Variants in SUN1 observed in about 807,000 individuals in gnomAD.
SUN1 encodes the protein SUN domain-containing protein 1.
A neutral mutation model predicts 103.2 loss-of-function variants in SUN1; 61 were observed. The observed-to-expected ratio is 0.59, with a 90% CI of 0.48 to 0.73. The LOEUF (loss-of-function observed/expected upper bound fraction) is 0.73. Among genes scored for constraint, SUN1 ranks in the 30% least tolerant of loss-of-function variants. The pLI is 0.00. For missense variants in SUN1, 1,052 were observed against 1,034.6 expected, an observed-to-expected ratio of 1.02 and a Z score of -0.23; for synonymous variants, 490 against 425.7, an observed-to-expected ratio of 1.15 and a Z score of -1.86.
At chr7:866,216 G>A (rs1025578916) in intron 16 of SUN1, 149 bp downstream of exon 16, 18 of 689,050 alleles carry the variant, frequency 2.6e-5, no homozygotes, top group East Asian at 5.6e-5. Flanking sequence ...TTCCCACACC[G>A]AGGAGTCCCC....
intron 5 of SUN1, among the ~76,000 whole-genome samples, chr7:846,198 T>C (rs1815513332): frequency 6.6e-6 from 1 of 151,790 alleles, no homozygotes; most frequent in African/African-American, 2.4e-5. Flanking sequence ...AACCTCCACC[T>C]CCCGGGCTCA....
Position 873,197 on chromosome 7 carries a change from T to C in SUN1, c.2242-18T>C, listed in dbSNP as rs1842909725. On this transcript the variant is annotated intron_variant, in intron 18 of 18. Coordinates refer to ENST00000401592, the MANE Select transcript of SUN1 (RefSeq NM_001130965.3). The stretch of plus-strand genomic sequence containing the variant: ...TAATATGAAATACATGTGTGTGTTT[T>C]TCCCACCTTGATTTCAGAAAAGACC... The C allele has an allele frequency of 6.2e-7, 1 of 1,611,268 alleles. No homozygotes were observed. The highest frequency in any genetic ancestry group is 2.2e-5 in the East Asian group (1 of 44,868).
chr7:856,473 T>C, intron 12 of SUN1, 72 bp downstream of exon 12: 3 of 1,575,030 alleles, frequency 1.9e-6, no homozygotes, highest in Non-Finnish European at 2.6e-6. Flanking sequence ...GGCAGCAGAG[T>C]GATGAATGGG....
intron 15 of SUN1, 103 bp from the exon 16 acceptor site, chr7:865,849 C>A: frequency 1.1e-6 from 1 of 909,648 alleles, no homozygotes; most frequent in Non-Finnish European, 1.8e-6. Flanking sequence ...TGATGTCGAG[C>A]ACTTTTCTTG....
upstream of SUN1, among the ~76,000 whole-genome samples, chr7:832,297 A>G (rs975627791): frequency 2.0e-5 from 3 of 152,136 alleles, no homozygotes; most frequent in Non-Finnish European, 4.4e-5. Flanking sequence ...TGAGGGGACT[A>G]GATTATGATA....
intron 2 of SUN1, among the ~76,000 whole-genome samples, chr7:841,533 C>T (rs757583536): frequency 3.3e-5 from 5 of 152,164 alleles, no homozygotes; most frequent in Admixed American, 1.3e-4. Flanking sequence ...AGAGCCACCG[C>T]GCCTGGCCAT....
intron 17 of SUN1, 141 bp downstream of exon 17, chr7:869,657 A>G: frequency 1.9e-6 from 2 of 1,031,492 alleles, no homozygotes; most frequent in Non-Finnish European, 2.8e-6. Context: ...TGAGGGGAAC[A>G]TTCCAGTGCT....
In SUN1 at chr7:847,513, TGGC is replaced by T. The variant is rs1489667318; in HGVS notation, c.659-3867_659-3865del. 3.2e-5 allele frequency among the ~76,000 whole-genome samples: 3 copies of T among 93,980 alleles called. No homozygotes were observed. In the East Asian group the frequency reaches 1.2e-3, roughly 37 times the overall value. The allele number at this position is 93,980 out of a possible 152,430, so 61.7% of individuals were successfully genotyped here. On this transcript the variant is annotated intron_variant, in intron 5 of 18. Transcript: ENST00000401592. ...CCACAGCGCCGTGCGCCAGCGGAGT[TGGC>T]GGCCTTCCCCTGGGGGTTACCCCGC... is the stretch of plus-strand genomic sequence containing the variant.
At chr7:857,638 C>T (rs973532707) in intron 12 of SUN1, among the ~76,000 whole-genome samples, 190 bp from the exon 13 acceptor site, 1 of 152,204 alleles carries the variant, frequency 6.6e-6, no homozygotes, top group South Asian at 2.1e-4. Context: ...TAAACTGATG[C>T]AGAAGACAAC....
chr7:870,777 T>C (rs553393937), intron 17 of SUN1, among the ~76,000 whole-genome samples: 7 of 152,236 alleles, frequency 4.6e-5, no homozygotes, highest in African/African-American at 1.7e-4. Context: ...CACTAATTAA[T>C]TCCCGTGGAC....
chr7:837,055 C>T (rs1217459109), intron 1 of SUN1, among the ~76,000 whole-genome samples: 2 of 152,248 alleles, frequency 1.3e-5, no homozygotes, highest in Non-Finnish European at 2.9e-5. Context: ...GCACTCACAC[C>T]TGCAACATGG....
Position 865,987 on chromosome 7 carries a change from T to TA in SUN1, c.1901dup (p.Tyr634Ter). 1 of 1,614,118 alleles carries TA rather than the reference T, an allele frequency of 6.2e-7. No individual in the cohort carries two copies. The change falls in exon 16 of 19, where the codon TAC (tyrosine) becomes TAAC (stop). Residue 634 changes from tyrosine (Y) to a stop codon, truncating the protein, a stop_gained and frameshift_variant. Coordinates refer to ENST00000401592, the MANE Select transcript of SUN1 (RefSeq NM_001130965.3). LOFTEE classifies it high-confidence loss of function. Reference protein sequence around the residue: ...SILSTRCSETYETKTALMSLF... With the variant: ...SILSTRCSET ...CTTGAGTACTCGCTGTTCTGAAACT[T>TA]ACGAAACCAAAACGGCGCTGATGAG...
At chr7:817,292 T>C (rs1781589544) in intron 1 of SUN1, 4 of 835,270 alleles carry the variant, frequency 4.8e-6, no homozygotes, top group Non-Finnish European at 7.8e-6. Context: ...TTGTGGTCTC[T>C]CCATGCTGCC....
At chr7:856,536 C>G in intron 12 of SUN1, 135 bp downstream of exon 12, 2 of 908,674 alleles carry the variant, frequency 2.2e-6, no homozygotes, top group Non-Finnish European at 3.5e-6. Flanking sequence ...GAGGTTCGTG[C>G]CGACAGACAC....
At chr7:856,605 C>T (rs1212833689) in intron 12 of SUN1, among the ~76,000 whole-genome samples, 2 of 152,192 alleles carry the variant, frequency 1.3e-5, no homozygotes, top group Non-Finnish European at 2.9e-5. Flanking sequence ...TCCCCCTCCA[C>T]GCGGCGTGGA....
intron 1 of SUN1, among the ~76,000 whole-genome samples, chr7:817,752 C>T (rs1352347051): frequency 2.0e-5 from 3 of 152,194 alleles, no homozygotes; most frequent in Non-Finnish European, 4.4e-5. Flanking sequence ...TGTTGTTGGA[C>T]ACTTGATAGT....
chr7:852,738 AAAT>A, intron 8 of SUN1, 69 bp from the exon 9 acceptor site: 1 of 1,613,524 alleles, frequency 6.2e-7, no homozygotes, highest in South Asian at 1.1e-5. Context: ...TAGTGGAAAA[AAAT>A]GAGCGTGTAA....
intron 2 of SUN1, among the ~76,000 whole-genome samples, chr7:841,097 C>T (rs1260099196): frequency 6.6e-6 from 1 of 151,784 alleles, no homozygotes; most frequent in Non-Finnish European, 1.5e-5. Context: ...CCATGCCCAG[C>T]TAATTTTGTA....
upstream of SUN1, chr7:832,098 G>C (rs1431093591): frequency 8.0e-6 from 8 of 1,005,430 alleles, no homozygotes; most frequent in Middle Eastern, 5.0e-4. Flanking sequence ...CCACGCTGTA[G>C]CAGGTAGTTC....
Sources: gnomAD v4.1 joint callset for allele counts (sites outside exome capture counted in the v4.1 genomes callset) on GRCh38, gnomAD v4.1.1 for gene constraint, MANE v1.5 for transcripts, NCBI Gene and HGNC (gene_info 2026-07-23, HGNC 2026-07-21) for gene names.